Variants in CHL1 observed in about 807,000 individuals in gnomAD.
CHL1 encodes cell adhesion molecule L1 like.
CHL1 carries 96 observed loss-of-function variants against 141.9 expected under a neutral mutation model. That is an observed-to-expected ratio of 0.68 (90% CI 0.57 to 0.80). The LOEUF (loss-of-function observed/expected upper bound fraction) is 0.80. CHL1 is among the 30% of genes least tolerant of loss of function. The pLI, the probability that CHL1 is intolerant of heterozygous loss-of-function variation, is 0.00. For synonymous variants in CHL1, 613 were observed against 502.2 expected (o/e 1.22, Z -2.95); for missense variants, 1,820 against 1,457.2 (o/e 1.25, Z -4.05).
At chr3:353,331 T>C (rs1703424711) in intron 10 of CHL1, among the ~76,000 whole-genome samples, 1 of 152,174 alleles carries the variant, frequency 6.6e-6, no homozygotes, top group Non-Finnish European at 1.5e-5. Flanking sequence ...TTTAGTTTTA[T>C]ATTGGTTGTA....
chr3:354,346 C>G (rs1338615106), intron 10 of CHL1, among the ~76,000 whole-genome samples: 1 of 151,790 alleles, frequency 6.6e-6, no homozygotes, highest in Non-Finnish European at 1.5e-5. Flanking sequence ...AGTGGGGTAG[C>G]TACTTGTATA....
At chr3:361,654 T>C in intron 12 of CHL1, 45 bp from the exon 13 acceptor site, 1 of 1,334,966 alleles carries the variant, frequency 7.5e-7, no homozygotes, top group African/African-American at 1.4e-5. Context: ...TGCATATCTT[T>C]CTTCCACAAA....
chr3:213,749 G>A (rs1371130550), intron 1 of CHL1: 3 of 152,154 alleles, frequency 2.0e-5, no homozygotes, highest in Non-Finnish European at 4.4e-5. Flanking sequence ...GCAAAGAAGA[G>A]ATTGCATTGC....
At chr3:249,977 T>A (rs1449972789) in intron 2 of CHL1, among the ~76,000 whole-genome samples, 3 of 151,962 alleles carry the variant, frequency 2.0e-5, no homozygotes, top group African/African-American at 7.2e-5. Flanking sequence ...AAGCATACTT[T>A]TTTTTTTTGA....
intron 2 of CHL1, among the ~76,000 whole-genome samples, chr3:298,966 C>T (rs1006018408): frequency 3.3e-5 from 5 of 152,070 alleles, no homozygotes; most frequent in Admixed American, 6.6e-5. Flanking sequence ...TTAACAATGC[C>T]GTGTTAAGGT....
chr3:235,888 T>A (rs971714490), intron 1 of CHL1, among the ~76,000 whole-genome samples: 3 of 152,186 alleles, frequency 2.0e-5, no homozygotes, highest in African/African-American at 7.2e-5. Context: ...GCCGTCATAC[T>A]CCAAGGTGGG....
intron 9 of CHL1, among the ~76,000 whole-genome samples, chr3:345,322 T>C (rs1352312034): frequency 4.0e-5 from 6 of 151,700 alleles, no homozygotes; most frequent in African/African-American, 1.5e-4. Flanking sequence ...GGAGCCCTAT[T>C]TATATCTATT....
intron 2 of CHL1, among the ~76,000 whole-genome samples, chr3:311,492 TC>T (rs1699748560): frequency 6.6e-6 from 1 of 152,028 alleles, no homozygotes; most frequent in Admixed American, 6.6e-5. Flanking sequence ...TCGTTTATTA[TC>T]CACGGCTCCT....
chr3:307,600 C>G (rs546319855), intron 2 of CHL1, among the ~76,000 whole-genome samples: 1 of 152,190 alleles, frequency 6.6e-6, no homozygotes, highest in Non-Finnish European at 1.5e-5. Context: ...ATCCTATTCA[C>G]TCAAGGATGC....
chr3:318,839 A>G (rs1486237448), intron 2 of CHL1, among the ~76,000 whole-genome samples: 1 of 151,638 alleles, frequency 6.6e-6, no homozygotes, highest in Non-Finnish European at 1.5e-5. Context: ...ATCCTTAATA[A>G]TGACTCAAAT....
At chr3:258,713 T>C (rs73092549) in intron 2 of CHL1, among the ~76,000 whole-genome samples, 8,474 of 152,204 alleles carry the variant, frequency 0.056, 768 homozygotes, top group African/African-American at 0.19. Flanking sequence ...AATAGAAGCA[T>C]TTACACTTGG....
chr3:235,643 A>G (rs570913162), intron 1 of CHL1, among the ~76,000 whole-genome samples: 31 of 152,190 alleles, frequency 2.0e-4, no homozygotes, highest in Non-Finnish European at 3.2e-4. Context: ...TGTTTGCAGA[A>G]TTACTACCAC....
In CHL1 at chr3:333,140, T is replaced by A. The variant is rs867394255; in HGVS notation, c.385+4786T>A. The stretch of plus-strand genomic sequence containing the variant: ...AATTGCTCTATTTTTTTTATTTTTT[T>A]TTTTTGCTGCTGCTGCAGAAAAGAG... On this transcript the variant is annotated intron_variant, in intron 5 of 27. Coordinates refer to ENST00000256509, the MANE Select transcript of CHL1 (RefSeq NM_006614.4). Among the ~76,000 whole-genome samples, 1,041 of 141,976 alleles carry A rather than the reference T, an allele frequency of 7.3e-3. 25 individuals are homozygous for A. The highest frequency in any genetic ancestry group is 0.025 in the African/African-American group (988 of 39,398). 93.1% of individuals were successfully genotyped at this position (141,976 alleles called of 152,430 possible).
intron 3 of CHL1, among the ~76,000 whole-genome samples, chr3:322,645 A>AATATATATATATAT (rs4002786): frequency 4.6e-5 from 6 of 130,210 alleles, no homozygotes; most frequent in African/African-American, 1.2e-4. Context: ...ATATATATAA[A>AATATATATATATAT]ATATATATAT....
intron 2 of CHL1, chr3:309,371 C>G (rs1019516504): frequency 3.0e-5 from 4 of 131,782 alleles, no homozygotes; most frequent in Non-Finnish European, 4.6e-5. Flanking sequence ...TTTTCTTTTT[C>G]TTTCCTTCCT....
intron 1 of CHL1, among the ~76,000 whole-genome samples, chr3:244,244 G>C (rs1472894002): frequency 6.6e-6 from 1 of 152,202 alleles, no homozygotes; most frequent in African/African-American, 2.4e-5. Flanking sequence ...ACAGATGCAA[G>C]TAGCTATTGT....
At chr3:261,540 A>G (rs1478065527) in intron 2 of CHL1, among the ~76,000 whole-genome samples, 1 of 152,208 alleles carries the variant, frequency 6.6e-6, no homozygotes, top group Non-Finnish European at 1.5e-5. Context: ...TTTGGCCTCA[A>G]AAAGTCACAA....
intron 2 of CHL1, among the ~76,000 whole-genome samples, chr3:263,335 G>GA (rs201360339): frequency 0.026 from 3,801 of 145,574 alleles, 48 homozygotes; most frequent in Middle Eastern, 0.042. Context: ...TCCGGAAAAA[G>GA]AAAAAAAAAA....
At chr3:335,927 T>C (rs1005839585) in intron 5 of CHL1, among the ~76,000 whole-genome samples, 3 of 152,152 alleles carry the variant, frequency 2.0e-5, no homozygotes, top group African/African-American at 7.2e-5. Context: ...ATTTGAGGAG[T>C]AGCCAAGATG....
Sources: allele counts gnomAD v4.1 joint callset (sites outside exome capture counted in the v4.1 genomes callset), GRCh38; gene constraint gnomAD v4.1.1; transcripts MANE v1.5; gene names NCBI Gene and HGNC (gene_info 2026-07-23, HGNC 2026-07-21).